The following NOPCHAP1 variants were observed in gnomAD, a reference collection of about 807,000 sequenced individuals.
The protein encoded by NOPCHAP1 is NOP protein chaperone 1.
A neutral mutation model predicts 14.0 loss-of-function variants in NOPCHAP1; 13 were observed. The observed-to-expected ratio is 0.93, with a 90% CI of 0.60 to 1.47. The LOEUF (loss-of-function observed/expected upper bound fraction) is 1.47. Among genes scored for constraint, NOPCHAP1 ranks in the 40% most tolerant of loss-of-function variants. NOPCHAP1 has a pLI of 0.00. For synonymous variants in NOPCHAP1, 78 were observed against 78.4 expected (o/e 1.00, Z 0.03); for missense variants, 230 against 226.9 (o/e 1.01, Z -0.09).
rs560383521 is a variant in NOPCHAP1 at position 105,015,676 on chromosome 12, G to C, written c.*20980G>C. 4 of 152,318 alleles carry C rather than the reference G, an allele frequency of 2.6e-5. No individual in the cohort carries two copies. The highest frequency in any genetic ancestry group is 6.5e-5 in the Admixed American group (1 of 15,306). 9.4% of individuals were successfully genotyped at this position (152,318 alleles called of 1,614,324 possible). A position where few individuals can be genotyped will look rare whatever the true frequency, so the allele number is the denominator to read the frequency against. Reference sequence around the variant, plus strand: ...ATGTTACCCACCGTTTAGTCACTTAGCAGCCATCTGGATTCTCAGATTGAA... The same window carrying C: ...ATGTTACCCACCGTTTAGTCACTTACCAGCCATCTGGATTCTCAGATTGAA... On this transcript the variant is annotated 3_prime_UTR_variant, in exon 4 of 4. Transcript: ENST00000552951.
In NOPCHAP1 at chr12:104,986,393, C is replaced by T. The variant is rs1873230643; in HGVS notation, c.41C>T (p.Ser14Leu). ...HGKPKASPSC[S>L]SPTRDSSGVP... ...AAGCCCAAGGCTAGCCCGAGTTGTT[C>T]GTCGCCCACCCGGGATTCCTCAGGA... Residue 14 changes from serine to leucine, a missense_variant, in exon 1 of 4, where the codon TCG (serine) becomes TTG (leucine). Ser to Leu is a moderately radical substitution (Grantham distance 145). Transcript: ENST00000552951. 6.2e-7 allele frequency: 1 copy of T among 1,611,678 alleles called. No homozygotes were observed. The highest frequency in any genetic ancestry group is 8.5e-7 in the Non-Finnish European group (1 of 1,179,118).
At position 105,012,195 on chromosome 12, in the gene NOPCHAP1, T is replaced by G. The variant is rs562836619; in HGVS notation, c.*17499T>G. On this transcript the variant is annotated 3_prime_UTR_variant, in exon 4 of 4. Coordinates refer to ENST00000552951, the MANE Select transcript of NOPCHAP1 (RefSeq NM_152318.3). ...TTGGACGCTTTGTTCCTTTTCATTC[T>G]TTTTTCTCTAATCTGTCTTCACGCT... The G allele has an allele frequency of 1.3e-5, 2 of 152,322 alleles. No individual in the cohort carries two copies. The highest frequency in any genetic ancestry group is 4.1e-4 in the South Asian group (2 of 4,822). 9.4% of individuals were successfully genotyped at this position (152,322 alleles called of 1,614,324 possible).
In NOPCHAP1 at chr12:105,015,743, A is replaced by G. The variant is rs1039803670; in HGVS notation, c.*21047A>G. ...TTCTGTTCTATCAAATGTTTCAGGC[A>G]TCCTCTGGGGGGTCTTGGAATGTAT... On this transcript the variant is annotated 3_prime_UTR_variant, in exon 4 of 4. Transcript: ENST00000552951. 1.3e-5 allele frequency: 2 copies of G among 152,228 alleles called. No homozygotes were observed. The allele number at this position is 152,228 out of a possible 1,614,324, so 9.4% of individuals were successfully genotyped here.
Position 104,994,488 on chromosome 12 carries a change from TG to T in NOPCHAP1, c.351del (p.Leu117PhefsTer4). The T allele has an allele frequency of 1.2e-6, 2 of 1,614,070 alleles. No individual in the cohort carries two copies. Among genetic ancestry groups the T allele is most frequent in the Non-Finnish European group, 1.7e-6 (2 of 1,179,964 alleles). On this transcript the variant is annotated frameshift_variant, in exon 4 of 4. Transcript: ENST00000552951. LOFTEE classifies it low-confidence loss of function (END_TRUNC). ...CACTACTTTTTGCAGGATGTGGCTT[TG>T]TTTGAGATGAATCAGTCGGATTCAA... ...HSKVIQMDVA[L>X]FEMNQSDSKE...
intron 2 of NOPCHAP1, among the ~76,000 whole-genome samples, chr12:104,991,239 C>CAA (rs1419237844): frequency 6.6e-6 from 1 of 152,168 alleles, no homozygotes; most frequent in Non-Finnish European, 1.5e-5. Context: ...CTAAGAGTGA[C>CAA]ACAAGCTTAA....
intron 2 of NOPCHAP1, among the ~76,000 whole-genome samples, chr12:104,990,105 T>G (rs917881074): frequency 6.6e-6 from 1 of 152,262 alleles, no homozygotes; most frequent in Non-Finnish European, 1.5e-5. Flanking sequence ...TATGTTTTCC[T>G]GTTTATTTGC....
rs1339349358 is a variant in NOPCHAP1, at chr12:105,001,152, C to A, written c.*6456C>A. 1 of 151,956 alleles carries A rather than the reference C, an allele frequency of 6.6e-6. No individual in the cohort carries two copies. The highest frequency in any genetic ancestry group is 6.6e-5 in the Admixed American group (1 of 15,234). 9.4% of individuals were successfully genotyped at this position (151,956 alleles called of 1,614,324 possible). Reference sequence around the variant, plus strand: ...CTGTTTTAGCTGTTTTATAACTTGTCCAGTGAAACAGGTTCTTCTATTGCT... The same window carrying A: ...CTGTTTTAGCTGTTTTATAACTTGTACAGTGAAACAGGTTCTTCTATTGCT... On this transcript the variant is annotated 3_prime_UTR_variant, in exon 4 of 4. Transcript: ENST00000552951.
rs1478678807 is a variant in NOPCHAP1 at position 105,000,169 on chromosome 12, A to G, written c.*5473A>G. 2 of 152,246 alleles carry G rather than the reference A, an allele frequency of 1.3e-5. No individual in the cohort carries two copies. Among genetic ancestry groups the G allele is most frequent in the South Asian group, 4.1e-4 (2 of 4,830 alleles). The allele number at this position is 152,246 out of a possible 1,614,324, so 9.4% of individuals were successfully genotyped here. On this transcript the variant is annotated 3_prime_UTR_variant, in exon 4 of 4. Transcript: ENST00000552951. Reference sequence around the variant, plus strand: ...TCTTGAGTATGTGATACCTGGAAGCATAATATACCTTTTGTAGGCATCACT... The same window carrying G: ...TCTTGAGTATGTGATACCTGGAAGCGTAATATACCTTTTGTAGGCATCACT...
At chr12:104,992,239 G>T (rs1458930243) in intron 3 of NOPCHAP1, among the ~76,000 whole-genome samples, 1 of 152,132 alleles carries the variant, frequency 6.6e-6, no homozygotes, top group Non-Finnish European at 1.5e-5. Flanking sequence ...CTCATATCTT[G>T]TTTCTGCAGT....
In NOPCHAP1 at chr12:104,997,700, G is replaced by C. The variant is rs999828316; in HGVS notation, c.*3004G>C. The C allele has an allele frequency of 2.0e-5, 3 of 152,142 alleles. No individual in the cohort carries two copies. The highest frequency in any genetic ancestry group is 4.4e-5 in the Non-Finnish European group (3 of 68,034). 9.4% of individuals were successfully genotyped at this position (152,142 alleles called of 1,614,324 possible). A position where few individuals can be genotyped will look rare whatever the true frequency, so the allele number is the denominator to read the frequency against. On this transcript the variant is annotated 3_prime_UTR_variant, in exon 4 of 4. Transcript: ENST00000552951. ...TGTTTTAGGTTGGTCTGCTTGTGTA[G>C]TATTTCACAAGGGTTTTCCGCATTT...
intron 2 of NOPCHAP1, 33 bp downstream of exon 2, chr12:104,988,286 A>G (rs751901551): frequency 9.2e-6 from 14 of 1,519,002 alleles, no homozygotes; most frequent in African/African-American, 1.4e-5. Context: ...CACCCTCTCT[A>G]ATGCTGAGTT....
intron 2 of NOPCHAP1, 99 bp from the exon 3 acceptor site, chr12:104,991,613 T>C (rs1447097970): frequency 1.6e-6 from 2 of 1,220,186 alleles, no homozygotes; most frequent in East Asian, 2.5e-5. Context: ...GTAATTATGG[T>C]TGTTATTATT....
intron 2 of NOPCHAP1, among the ~76,000 whole-genome samples, chr12:104,990,053 T>C (rs1873338199): frequency 6.6e-6 from 1 of 152,266 alleles, no homozygotes; most frequent in South Asian, 2.1e-4. Flanking sequence ...GATTCTGTCG[T>C]CTGCATCATT....
At position 104,994,912 on chromosome 12, in the gene NOPCHAP1, C is replaced by A. The variant is rs1873466720; in HGVS notation, c.*216C>A. 3.9e-6 allele frequency: 2 copies of A among 513,794 alleles called. No homozygotes were observed. The highest frequency in any genetic ancestry group is 3.6e-5 in the East Asian group (1 of 27,770). The allele number at this position is 513,794 out of a possible 1,614,324, so 31.8% of individuals were successfully genotyped here. A position where few individuals can be genotyped will look rare whatever the true frequency, so the allele number is the denominator to read the frequency against. On this transcript the variant is annotated 3_prime_UTR_variant, in exon 4 of 4. Coordinates refer to ENST00000552951, the MANE Select transcript of NOPCHAP1 (RefSeq NM_152318.3). The stretch of plus-strand genomic sequence containing the variant: ...TGAAAGGGGTTCAGAGACCTCCGCT[C>A]TACAGCAAGGAAAGTGTGCTTTTAT...
chr12:104,987,170 AG>A (rs2136024576), intron 1 of NOPCHAP1, among the ~76,000 whole-genome samples: 1 of 152,360 alleles, frequency 6.6e-6, no homozygotes, highest in Admixed American at 6.5e-5. Context: ...CTTGAAGAAA[AG>A]GTTTTGTGAG....
rs546264482 is a variant in NOPCHAP1, at chr12:105,001,517, G to C, written c.*6821G>C. ...ATTTCTGCCTTTAGAGAGCATAACA[G>C]TTCTGGTTCAGGAGAGTCAGGAAAC... On this transcript the variant is annotated 3_prime_UTR_variant, in exon 4 of 4. Coordinates refer to ENST00000552951, the MANE Select transcript of NOPCHAP1 (RefSeq NM_152318.3). The C allele has an allele frequency of 4.6e-5, 7 of 152,182 alleles. No individual in the cohort carries two copies. The highest frequency in any genetic ancestry group is 1.3e-4 in the Admixed American group (2 of 15,280). The allele number at this position is 152,182 out of a possible 1,614,324, so 9.4% of individuals were successfully genotyped here. A position where few individuals can be genotyped will look rare whatever the true frequency, so the allele number is the denominator to read the frequency against.
chr12:105,016,329 G>T lies in NOPCHAP1; in HGVS notation c.*21633G>T, dbSNP rs1415267435. The T allele has an allele frequency of 6.6e-6, 1 of 152,146 alleles. No homozygotes were observed. Among genetic ancestry groups the T allele is most frequent in the Non-Finnish European group, 1.5e-5 (1 of 68,028 alleles). The allele number at this position is 152,146 out of a possible 1,614,324, so 9.4% of individuals were successfully genotyped here. On this transcript the variant is annotated 3_prime_UTR_variant, in exon 4 of 4. Coordinates refer to ENST00000552951, the MANE Select transcript of NOPCHAP1 (RefSeq NM_152318.3). ...AAATTGGCAGATGCAACAGTAGCTG[G>T]TACTTACTGAGCCCTTTCTGTGTTA...
intron 3 of NOPCHAP1, among the ~76,000 whole-genome samples, chr12:104,994,237 C>T (rs1408319489): frequency 6.6e-6 from 1 of 152,128 alleles, no homozygotes; most frequent in Non-Finnish European, 1.5e-5. Context: ...CCCAGCTACT[C>T]AGGAGGCTGA....
Position 105,003,607 on chromosome 12 carries a change from G to C in NOPCHAP1, c.*8911G>C, listed in dbSNP as rs117800512. On this transcript the variant is annotated 3_prime_UTR_variant, in exon 4 of 4. Transcript: ENST00000552951. ...TTTGGTCACTAGGGTGCTCCTGGGC[G>C]GTTGTTGGAAGTCGCCTTTGGACGC... is the stretch of plus-strand genomic sequence containing the variant. 1 of 152,168 alleles carries C rather than the reference G, an allele frequency of 6.6e-6. No individual in the cohort carries two copies. The highest frequency in any genetic ancestry group is 1.9e-4 in the East Asian group (1 of 5,202). 9.4% of individuals were successfully genotyped at this position (152,168 alleles called of 1,614,324 possible). A position where few individuals can be genotyped will look rare whatever the true frequency, so the allele number is the denominator to read the frequency against.
Sources: gnomAD v4.1 joint callset for allele counts (sites outside exome capture counted in the v4.1 genomes callset) on GRCh38, gnomAD v4.1.1 for gene constraint, MANE v1.5 for transcripts, NCBI Gene and HGNC (gene_info 2026-07-23, HGNC 2026-07-21) for gene names.